Variants in TMEM82 observed in about 807,000 individuals in gnomAD.
TMEM82 encodes transmembrane protein 82.
A neutral mutation model predicts 29.2 loss-of-function variants in TMEM82; 30 were observed. The observed-to-expected ratio is 1.03, with a 90% CI of 0.77 to 1.39. The LOEUF (loss-of-function observed/expected upper bound fraction) is 1.39, where lower values mean the gene tolerates loss of function less well. Ranked by LOEUF, TMEM82 falls within the 40% of genes most tolerant of loss-of-function variation. The pLI is 0.00. For synonymous variants in TMEM82, 221 were observed against 225.4 expected (o/e 0.98, Z 0.18); for missense variants, 442 against 447.7 (o/e 0.99, Z 0.12).
At chr1:15,745,529 G>A (rs1277294709) in intron 4 of TMEM82, among the ~76,000 whole-genome samples, 4 of 111,184 alleles carry the variant, frequency 3.6e-5, no homozygotes, top group African/African-American at 2.0e-4. Flanking sequence ...GAAAGAAAGA[G>A]AGAAAGAGAG....
rs763205669 is a variant in TMEM82 at position 15,742,846 on chromosome 1, G to T, written c.100G>T (p.Ala34Ser). Residue 34 changes from alanine to serine, a missense_variant, in exon 2 of 6, where the codon GCC (alanine) becomes TCC (serine). By Grantham distance (99) the Ala-to-Ser change is moderately conservative. Transcript: ENST00000375782. ...LDSLLQGLIG[A>S]LGVLVLNSLL... is the part of the protein sequence containing the mutation. ...TCCCGCCCCCTCAGGCCTGATCGGGGCCCTTGGAGTCTTGGTCCTGAACAG... is the reference window on the plus strand; with the variant it reads ...TCCCGCCCCCTCAGGCCTGATCGGGTCCCTTGGAGTCTTGGTCCTGAACAG... 1 of 1,612,716 alleles carries T rather than the reference G, an allele frequency of 6.2e-7. No homozygotes were observed. The highest frequency in any genetic ancestry group is 8.5e-7 in the Non-Finnish European group (1 of 1,179,904).
At position 15,742,638 on chromosome 1, in the gene TMEM82, C is replaced by T. The variant is rs1490972741; in HGVS notation, c.79C>T (p.Leu27Phe). 2 of 1,609,934 alleles carry T rather than the reference C, an allele frequency of 1.2e-6. No individual in the cohort carries two copies. Among genetic ancestry groups the T allele is most frequent in the East Asian group, 4.5e-5 (2 of 44,870 alleles). ...LEWGSSLLDS[L>F]LQGLIGALGV... ...GTGGGGCTCTAGCCTCCTTGACTCC[C>T]TCCTGCAAGGTGAGCACCTCGCCCC... The change falls in exon 1 of 6, where the codon CTC becomes TTC. Residue 27 changes from leucine to phenylalanine, a missense_variant. Transcript: ENST00000375782.
chr1:15,745,449 G>A (rs952362022), intron 4 of TMEM82, among the ~76,000 whole-genome samples: 1 of 151,784 alleles, frequency 6.6e-6, no homozygotes, highest in Non-Finnish European at 1.5e-5. Context: ...AACCCAGGAG[G>A]TAGAGGTTGC....
chr1:15,747,885 C>T lies in TMEM82; in HGVS notation c.*253C>T. 1 of 422,604 alleles carries T rather than the reference C, an allele frequency of 2.4e-6. No homozygotes were observed. 26.2% of individuals were successfully genotyped at this position (422,604 alleles called of 1,614,324 possible). On this transcript the variant is annotated 3_prime_UTR_variant, in exon 6 of 6. Coordinates refer to ENST00000375782, the MANE Select transcript of TMEM82 (RefSeq NM_001013641.3). ...CAATGATGCAGCCTCTCAGACCTGC[C>T]TTCCTGGGCAGGGGTGGGGGTGCAT...
At chr1:15,742,928 C>T (rs903729572) in intron 2 of TMEM82, 21 bp downstream of exon 2, 2 of 1,612,010 alleles carry the variant, frequency 1.2e-6, no homozygotes, top group Non-Finnish European at 1.7e-6. Context: ...ACCTCATCCC[C>T]CCAGGGAATG....
In TMEM82 at chr1:15,742,514, C is replaced by A; in HGVS notation, c.-46C>A. On this transcript the variant is annotated 5_prime_UTR_variant, in exon 1 of 6. Coordinates refer to ENST00000375782, the MANE Select transcript of TMEM82 (RefSeq NM_001013641.3). ...CCTTTGCCCAGTGACGTTGGTCTGT[C>A]CTTACGCAGACCTGGCCGGAGGCTG... is the stretch of plus-strand genomic sequence containing the variant. The A allele has an allele frequency of 6.7e-7, 1 of 1,484,838 alleles. No homozygotes were observed. Among genetic ancestry groups the A allele is most frequent in the Non-Finnish European group, 9.1e-7 (1 of 1,099,582 alleles). 92.0% of individuals were successfully genotyped at this position (1,484,838 alleles called of 1,614,324 possible). A position where few individuals can be genotyped will look rare whatever the true frequency, so the allele number is the denominator to read the frequency against.
In TMEM82 at chr1:15,747,033, G is replaced by A. The variant is rs2068341884; in HGVS notation, c.924G>A (p.Leu308=). ...ELWCLVGVRT[L]LDLCQIQDFP... ...GGTGTCTCGTGGGCGTCCGCACCCT[G>A]CTTGACCTCTGCCAGATACAGGTGG... The change falls in exon 5 of 6, where the codon CTG becomes CTA. Residue 308 remains leucine, a synonymous_variant. Transcript: ENST00000375782. The A allele has an allele frequency of 5.7e-6, 9 of 1,569,394 alleles. No homozygotes were observed. The highest frequency in any genetic ancestry group is 7.9e-6 in the Non-Finnish European group (9 of 1,143,748).
At chr1:15,743,860 G>A (rs999542208) in intron 3 of TMEM82, among the ~76,000 whole-genome samples, 16 of 152,280 alleles carry the variant, frequency 1.1e-4, no homozygotes, top group South Asian at 4.1e-4. Context: ...AGCTTCTTGG[G>A]AGGCTGAGGC....
At chr1:15,746,410 CAAAAAA>C (rs761074645) in intron 4 of TMEM82, among the ~76,000 whole-genome samples, 1 of 64,552 alleles carries the variant, frequency 1.5e-5, no homozygotes, top group Non-Finnish European at 3.2e-5. Context: ...AAGACTGTCT[CAAAAAA>C]AAAAAAAAAA....
At chr1:15,745,549 GAGAA>G (rs1256159723) in intron 4 of TMEM82, among the ~76,000 whole-genome samples, 3 of 142,388 alleles carry the variant, frequency 2.1e-5, no homozygotes, top group Admixed American at 1.4e-4. Flanking sequence ...GAGAGAAAGA[GAGAA>G]AGAGAGAAAG....
intron 4 of TMEM82, among the ~76,000 whole-genome samples, chr1:15,746,035 T>G (rs1329403047): frequency 2.0e-5 from 3 of 146,958 alleles, no homozygotes; most frequent in African/African-American, 7.7e-5. Flanking sequence ...TACTGCAGGG[T>G]TTTTTTTTGT....
In TMEM82 at chr1:15,743,148, T is replaced by C. The variant is rs1487167968; in HGVS notation, c.290T>C (p.Leu97Pro). The change falls in exon 3 of 6, where the codon CTC becomes CCC. Residue 97 changes from leucine (L) to proline (P), a missense_variant. By Grantham distance (98) the Leu-to-Pro change is moderately conservative. Transcript: ENST00000375782. ...VGSRVAALVV[L>P]EFSLRAVSTL... is the part of the protein sequence containing the mutation. ...TCCCGGGTGGCTGCCCTCGTGGTGC[T>C]CGAGTTCTCCCTCCGGGCCGTGTCC... is the stretch of plus-strand genomic sequence containing the variant. 1.2e-6 allele frequency: 2 copies of C among 1,611,404 alleles called. No homozygotes were observed. The highest frequency in any genetic ancestry group is 1.7e-5 in the Admixed American group (1 of 59,982).
intron 4 of TMEM82, among the ~76,000 whole-genome samples, chr1:15,745,194 A>G (rs1296415137): frequency 1.3e-5 from 2 of 152,146 alleles, no homozygotes; most frequent in African/African-American, 4.8e-5. Flanking sequence ...TTACAGGCAC[A>G]CACCACTATG....
chr1:15,743,971 A>T (rs941911440), intron 3 of TMEM82, among the ~76,000 whole-genome samples, 189 bp from the exon 4 acceptor site: 5 of 151,990 alleles, frequency 3.3e-5, no homozygotes, highest in African/African-American at 1.2e-4. Context: ...TCTAAAAAAA[A>T]AAACAAAACA....
rs747312105 is a variant in TMEM82, at chr1:15,743,163, G to A, written c.305G>A (p.Arg102Gln). 23 of 1,609,938 alleles carry A rather than the reference G, an allele frequency of 1.4e-5. No homozygotes were observed. The highest frequency in any genetic ancestry group is 6.7e-5 in the East Asian group (3 of 44,888). The change falls in exon 3 of 6, where the codon CGG becomes CAG. Residue 102 changes from arginine (R) to glutamine (Q), a missense_variant. Arg to Gln is a conservative substitution (Grantham distance 43, BLOSUM62 1). Transcript: ENST00000375782. ...AALVVLEFSLRAVSTLLSLGK... is the reference protein window; with the variant it reads ...AALVVLEFSLQAVSTLLSLGK... ...CTCGTGGTGCTCGAGTTCTCCCTCC[G>A]GGCCGTGTCCACGCTGCTGTCCCTG...
rs1173414015 is a variant in TMEM82 at position 15,743,125 on chromosome 1, C to T, written c.267C>T (p.Ser89=). The T allele has an allele frequency of 6.2e-7, 1 of 1,612,064 alleles. No individual in the cohort carries two copies. The highest frequency in any genetic ancestry group is 2.2e-5 in the East Asian group (1 of 44,872). The part of the protein sequence containing the change: ...GLALFLTVVG[S]RVAALVVLEF... ...CCCTGTTTCTGACGGTCGTGGGGTC[C>T]CGGGTGGCTGCCCTCGTGGTGCTCG... The change falls in exon 3 of 6, where the codon TCC becomes TCT. Residue 89 remains serine, a synonymous_variant. Coordinates refer to ENST00000375782, the MANE Select transcript of TMEM82 (RefSeq NM_001013641.3).
chr1:15,747,154 C>T lies in TMEM82; in HGVS notation c.945+100C>T, dbSNP rs138532481. On this transcript the variant is annotated intron_variant, in intron 5 of 5. Coordinates refer to ENST00000375782, the MANE Select transcript of TMEM82 (RefSeq NM_001013641.3). ...AAGTTTAAGAAGAGCCAGCTGGGCA[C>T]GGTCTCTCACACCTGTAATCCCAAA... is the stretch of plus-strand genomic sequence containing the variant. The T allele has an allele frequency of 1.1e-3, 1,368 of 1,248,442 alleles. 7 individuals are homozygous for T. The African/African-American group carries it at 0.016, about 14-fold the overall frequency. 77.3% of individuals were successfully genotyped at this position (1,248,442 alleles called of 1,614,324 possible). A position where few individuals can be genotyped will look rare whatever the true frequency, so the allele number is the denominator to read the frequency against.
chr1:15,746,895 G>A lies in TMEM82; in HGVS notation c.786G>A (p.Gln262=), dbSNP rs766989924. The A allele has an allele frequency of 1.2e-6, 2 of 1,600,224 alleles. No individual in the cohort carries two copies. Among genetic ancestry groups the A allele is most frequent in the Non-Finnish European group, 1.7e-6 (2 of 1,177,820 alleles). The part of the protein sequence containing the change: ...QEEQRQHPGL[Q]SQVQTVLVRM... Reference sequence around the variant, plus strand: ...AGCAGCGGCAGCACCCCGGCCTGCAGAGCCAGGTGCAGACGGTGCTGGTGC... The same window carrying A: ...AGCAGCGGCAGCACCCCGGCCTGCAAAGCCAGGTGCAGACGGTGCTGGTGC... The change falls in exon 5 of 6, where the codon CAG becomes CAA. Residue 262 remains glutamine, a synonymous_variant. Transcript: ENST00000375782.
At position 15,743,049 on chromosome 1, in the gene TMEM82, G is replaced by T. The variant is rs575774446; in HGVS notation, c.191G>T (p.Arg64Leu). The T allele has an allele frequency of 6.2e-7, 1 of 1,603,232 alleles. No homozygotes were observed. Among genetic ancestry groups the T allele is most frequent in the Non-Finnish European group, 8.5e-7 (1 of 1,174,808 alleles). The change falls in exon 3 of 6, where the codon CGG (arginine) becomes CTG (leucine). Residue 64 changes from arginine (R) to leucine (L), a missense_variant. Arg to Leu is a moderately radical substitution (Grantham distance 102). Transcript: ENST00000375782. ...NDPQRRPEKE[R>L]LRAQWASLET... ...CCGCAGCGGCGACCCGAAAAGGAGCGGCTTCGGGCCCAGTGGGCCTCCCTG... is the reference window on the plus strand; with the variant it reads ...CCGCAGCGGCGACCCGAAAAGGAGCTGCTTCGGGCCCAGTGGGCCTCCCTG...
Sources: gnomAD v4.1 joint callset for allele counts (sites outside exome capture counted in the v4.1 genomes callset) on GRCh38, gnomAD v4.1.1 for gene constraint, MANE v1.5 for transcripts, NCBI Gene and HGNC (gene_info 2026-07-23, HGNC 2026-07-21) for gene names.